Variants in ZMAT4 observed in about 807,000 individuals in gnomAD.
ZMAT4 encodes the protein zinc finger matrin-type protein 4.
Under a neutral mutation model 28.7 loss-of-function variants are expected in ZMAT4, and 17 were observed. That is an observed-to-expected ratio of 0.59 (90% CI 0.41 to 0.89). ZMAT4 has a LOEUF of 0.89. Among genes scored for constraint, ZMAT4 ranks in the 40% least tolerant of loss-of-function variants. ZMAT4 has a pLI of 0.00. For missense variants in ZMAT4, 240 were observed against 283.8 expected, an observed-to-expected ratio of 0.85 and a Z score of 1.11; for synonymous variants, 117 against 109.2, an observed-to-expected ratio of 1.07 and a Z score of -0.44.
intron 2 of ZMAT4, among the ~76,000 whole-genome samples, chr8:40,778,280 A>T (rs1813688903): frequency 6.6e-6 from 1 of 152,226 alleles, no homozygotes; most frequent in African/African-American, 2.4e-5. Context: ...ATTTTCAAAA[A>T]ATACTTCTAG....
intron 2 of ZMAT4, among the ~76,000 whole-genome samples, chr8:40,786,286 A>C (rs1814077126): frequency 1.3e-5 from 2 of 152,322 alleles, no homozygotes; most frequent in Admixed American, 1.3e-4. Flanking sequence ...GTGAGAAAGG[A>C]AATTGACAAA....
At chr8:40,771,502 G>A (rs1435124431) in intron 2 of ZMAT4, among the ~76,000 whole-genome samples, 1 of 151,960 alleles carries the variant, frequency 6.6e-6, no homozygotes, top group Non-Finnish European at 1.5e-5. Context: ...CACAATTATT[G>A]TAATTAGTAA....
At chr8:40,586,259 T>C (rs770564665) in intron 5 of ZMAT4, among the ~76,000 whole-genome samples, 5 of 152,186 alleles carry the variant, frequency 3.3e-5, no homozygotes, top group Non-Finnish European at 7.3e-5. Context: ...GAACATCTTA[T>C]TAAACCAAAA....
intron 5 of ZMAT4, among the ~76,000 whole-genome samples, chr8:40,606,796 T>C (rs1805605932): frequency 6.6e-6 from 1 of 152,238 alleles, no homozygotes; most frequent in South Asian, 2.1e-4. Flanking sequence ...CTCAAATATG[T>C]TTCCCAAACT....
chr8:40,842,883 C>T (rs1308585268), intron 1 of ZMAT4, among the ~76,000 whole-genome samples: 3 of 152,254 alleles, frequency 2.0e-5, no homozygotes, highest in African/African-American at 4.8e-5. Flanking sequence ...TCAAGCAATT[C>T]TCCTGCCTCA....
intron 1 of ZMAT4, chr8:40,884,891 T>C (rs1818403149): frequency 6.6e-6 from 1 of 152,272 alleles, no homozygotes; most frequent in African/African-American, 2.4e-5. Context: ...GCAGCAGCAA[T>C]GCTGAGTAGC....
At chr8:40,636,213 C>T (rs573236898) in intron 5 of ZMAT4, among the ~76,000 whole-genome samples, 53 of 152,342 alleles carry the variant, frequency 3.5e-4, no homozygotes, top group South Asian at 3.3e-3. Context: ...TACACATATA[C>T]ATACACACAC....
intron 2 of ZMAT4, among the ~76,000 whole-genome samples, chr8:40,824,084 G>T (rs767636193): frequency 6.6e-6 from 1 of 152,174 alleles, no homozygotes; most frequent in Non-Finnish European, 1.5e-5. Flanking sequence ...GTATGTGTGT[G>T]TGTTATTATA....
rs76967466 is a variant in ZMAT4 at position 40,664,903 on chromosome 8, A to G, written c.577+9801T>C. Among the ~76,000 whole-genome samples, 764 of 152,362 alleles carry G rather than the reference A, an allele frequency of 5.0e-3. 6 individuals are homozygous for G. Among genetic ancestry groups the G allele is most frequent in the African/African-American group, 0.017 (724 of 41,588 alleles). ...ATGCACAGGTAACTTGGGTACCTGA[A>G]GGTAGAAAAGTGTCACCACATTGAC... On this transcript the variant is annotated intron_variant, in intron 5 of 6. Coordinates refer to ENST00000297737, the MANE Select transcript of ZMAT4 (RefSeq NM_024645.3).
In ZMAT4 at chr8:40,532,507, G is replaced by A. The variant is rs564973611; in HGVS notation, c.675-269C>T. On this transcript the variant is annotated intron_variant, in intron 6 of 6. Transcript: ENST00000297737. ...TCCAGACACTAAATTCATTCCAAAT[G>A]TTTTTAAATAAAAATAATGAATTGA... Among the ~76,000 whole-genome samples the A allele has an allele frequency of 4.6e-5, 7 of 152,162 alleles. No individual in the cohort carries two copies. In the East Asian group the frequency reaches 1.2e-3, roughly 25 times the overall value.
At chr8:40,660,877 A>G (rs1442427477) in intron 5 of ZMAT4, among the ~76,000 whole-genome samples, 3 of 152,220 alleles carry the variant, frequency 2.0e-5, no homozygotes, top group Non-Finnish European at 4.4e-5. Flanking sequence ...CATACCAGAC[A>G]TCTTCAGGTA....
At chr8:40,654,766 T>C (rs1807841430) in intron 5 of ZMAT4, among the ~76,000 whole-genome samples, 1 of 152,116 alleles carries the variant, frequency 6.6e-6, no homozygotes, top group Non-Finnish European at 1.5e-5. Context: ...CCTTTCATGC[T>C]GAAAACACTC....
chr8:40,849,491 T>C (rs755642989), intron 1 of ZMAT4, among the ~76,000 whole-genome samples: 5 of 152,130 alleles, frequency 3.3e-5, no homozygotes, highest in Non-Finnish European at 5.9e-5. Flanking sequence ...ATCTCTTGGG[T>C]CCCAAAAACT....
At position 40,697,074 on chromosome 8, in the gene ZMAT4, C is replaced by G. The variant is rs1809919459; in HGVS notation, c.349+171G>C. 1.0e-5 allele frequency: 7 copies of G among 669,100 alleles called. No individual in the cohort carries two copies. The South Asian group carries it at 1.8e-4, about 17-fold the overall frequency. The allele number at this position is 669,100 out of a possible 1,614,324, so 41.4% of individuals were successfully genotyped here. A position where few individuals can be genotyped will look rare whatever the true frequency, so the allele number is the denominator to read the frequency against. The stretch of plus-strand genomic sequence containing the variant: ...AGCACCTGAAATGGTATTTAGGGGT[C>G]TTAGGACAGCCAGGTCTGCTGAGGT... On this transcript the variant is annotated intron_variant, in intron 4 of 6. Transcript: ENST00000297737.
intron 3 of ZMAT4, among the ~76,000 whole-genome samples, chr8:40,701,971 G>A (rs1049814791): frequency 6.6e-6 from 1 of 152,148 alleles, no homozygotes; most frequent in African/African-American, 2.4e-5. Flanking sequence ...CCTTTAAGAA[G>A]GCTGAGCCCC....
chr8:40,867,045 C>G (rs1817697084), intron 1 of ZMAT4, among the ~76,000 whole-genome samples: 1 of 152,158 alleles, frequency 6.6e-6, no homozygotes, highest in African/African-American at 2.4e-5. Flanking sequence ...GTATCCATCT[C>G]TTTTCACCAT....
chr8:40,746,918 C>T (rs1175255514), intron 3 of ZMAT4, among the ~76,000 whole-genome samples: 2 of 152,110 alleles, frequency 1.3e-5, no homozygotes. Context: ...GCCTGTGCAC[C>T]CTTCAGATGC....
chr8:40,683,966 G>A lies in ZMAT4; in HGVS notation c.350-9035C>T, dbSNP rs144601489. Among the ~76,000 whole-genome samples the A allele has an allele frequency of 5.9e-5, 9 of 152,034 alleles. No individual in the cohort carries two copies. The East Asian group carries it at 7.8e-4, about 13-fold the overall frequency. ...TGTAGTCCCAGCCACACAGGGAGGGGCTTAGATGGGAGGATTGCTTGATCC... is the reference window on the plus strand; with the variant it reads ...TGTAGTCCCAGCCACACAGGGAGGGACTTAGATGGGAGGATTGCTTGATCC... On this transcript the variant is annotated intron_variant, in intron 4 of 6. Coordinates refer to ENST00000297737, the MANE Select transcript of ZMAT4 (RefSeq NM_024645.3).
At position 40,532,089 on chromosome 8, in the gene ZMAT4, C is replaced by T. The variant is rs938661159; in HGVS notation, c.*134G>A. 11 of 759,194 alleles carry T rather than the reference C, an allele frequency of 1.4e-5. No homozygotes were observed. Among genetic ancestry groups the T allele is most frequent in the Admixed American group, 3.9e-5 (1 of 25,418 alleles). 47.0% of individuals were successfully genotyped at this position (759,194 alleles called of 1,614,324 possible). ...TTCATTTCCAAAAATCAAGATCAGT[C>T]GTATGTGAATCTGTGAATCCTTATA... On this transcript the variant is annotated 3_prime_UTR_variant, in exon 7 of 7. Coordinates refer to ENST00000297737, the MANE Select transcript of ZMAT4 (RefSeq NM_024645.3).
Sources: gnomAD v4.1 joint callset for allele counts (sites outside exome capture counted in the v4.1 genomes callset) on GRCh38, gnomAD v4.1.1 for gene constraint, MANE v1.5 for transcripts, NCBI Gene and HGNC (gene_info 2026-07-23, HGNC 2026-07-21) for gene names.